Variants in SORBS2 observed in about 807,000 individuals in gnomAD.
SORBS2 encodes the protein sorbin and SH3 domain containing 2, also known as sorbin and SH3 domain-containing protein 2.
Under a neutral mutation model 97.7 loss-of-function variants are expected in SORBS2, and 46 were observed. The observed-to-expected ratio is 0.47, with a 90% CI of 0.37 to 0.60. The LOEUF is 0.60. SORBS2 is among the 20% of genes least tolerant of loss of function. The pLI is 0.00. For missense variants in SORBS2, 1,316 were observed against 1,282.3 expected (o/e 1.03, Z -0.40); for synonymous variants, 476 against 473.4 (o/e 1.01, Z -0.07).
chr4:185,698,554 C>T (rs1461959582), intron 2 of SORBS2, among the ~76,000 whole-genome samples: 1 of 152,154 alleles, frequency 6.6e-6, no homozygotes, highest in Non-Finnish European at 1.5e-5. Context: ...AAATCAAGCT[C>T]TTTCCCTTTA....
chr4:185,746,569 C>T (rs967360102), intron 2 of SORBS2, among the ~76,000 whole-genome samples: 1 of 152,158 alleles, frequency 6.6e-6, no homozygotes, highest in Non-Finnish European at 1.5e-5. Context: ...CCTCCTGCCT[C>T]GGCTTCCCAG....
At chr4:185,687,645 T>C (rs529131855) in intron 2 of SORBS2, among the ~76,000 whole-genome samples, 6 of 152,304 alleles carry the variant, frequency 3.9e-5, no homozygotes, top group Admixed American at 1.3e-4. Flanking sequence ...ACATTAAAGG[T>C]CACTGTAAAA....
chr4:185,952,975 T>A (rs1161736255), intron 1 of SORBS2, among the ~76,000 whole-genome samples: 1 of 152,164 alleles, frequency 6.6e-6, no homozygotes, highest in Non-Finnish European at 1.5e-5. Context: ...CACAGCCCAC[T>A]TGTAGGTCTC....
rs1292277407 is a variant in SORBS2 at position 185,766,735 on chromosome 4, C to T, written c.-198+8492G>A. Among the ~76,000 whole-genome samples the T allele has an allele frequency of 5.9e-5, 9 of 152,240 alleles. No homozygotes were observed. The East Asian group carries it at 1.5e-3, about 26-fold the overall frequency. On this transcript the variant is annotated intron_variant, in intron 2 of 20. Transcript: ENST00000284776. ...TTGCAAAATTGAACTAAAGAAGTAC[C>T]ACTGAGTTGAGGGCATGTCAAGATC...
chr4:185,888,773 G>A (rs1330318214), intron 1 of SORBS2, among the ~76,000 whole-genome samples: 5 of 152,124 alleles, frequency 3.3e-5, no homozygotes, highest in Admixed American at 3.3e-4. Context: ...CCGCATGACT[G>A]GGAGTCACTC....
chr4:185,851,283 A>AC (rs1342036856), intron 1 of SORBS2, among the ~76,000 whole-genome samples: 1 of 152,156 alleles, frequency 6.6e-6, no homozygotes, highest in Non-Finnish European at 1.5e-5. Context: ...GAAGAAATTC[A>AC]CCTTCAACTA....
At chr4:185,589,823 G>A (rs1418075717) in intron 13 of SORBS2, 38 bp from the exon 26 acceptor site, 1 of 1,058,218 alleles carries the variant, frequency 9.4e-7, no homozygotes, top group Non-Finnish European at 1.5e-6. Flanking sequence ...AAAACATCTT[G>A]ACACCTTCAT....
intron 4 of SORBS2, among the ~76,000 whole-genome samples, chr4:185,640,017 G>C (rs777798077): frequency 3.3e-5 from 5 of 152,244 alleles, no homozygotes; most frequent in Admixed American, 2.0e-4. Context: ...TTTTGCTAAT[G>C]ATACACAGTC....
At chr4:185,726,859 G>A (rs935636812) in intron 2 of SORBS2, among the ~76,000 whole-genome samples, 4 of 152,156 alleles carry the variant, frequency 2.6e-5, no homozygotes, top group Non-Finnish European at 5.9e-5. Flanking sequence ...AGATGCATCC[G>A]GGAGGAGGGT....
At chr4:185,815,348 A>G (rs938675343) in intron 1 of SORBS2, among the ~76,000 whole-genome samples, 1 of 151,962 alleles carries the variant, frequency 6.6e-6, no homozygotes, top group Non-Finnish European at 1.5e-5. Flanking sequence ...TATTTTTTAT[A>G]TATATTTAAA....
chr4:185,641,010 G>C (rs1289614721), intron 4 of SORBS2, among the ~76,000 whole-genome samples: 2 of 152,208 alleles, frequency 1.3e-5, no homozygotes, highest in African/African-American at 4.8e-5. Flanking sequence ...ATGAACAGCA[G>C]AGGGCAGCCA....
rs548674273 is a variant in SORBS2 at position 185,697,475 on chromosome 4, C to T, written c.-197-18653G>A. On this transcript the variant is annotated intron_variant, in intron 2 of 20. Coordinates refer to the SORBS2 transcript ENST00000284776. ...TTTATTTAGCTAAGATTTTCCCCCC[C>T]ACACATTGCCATGAACAAGAGAAAA... Among the ~76,000 whole-genome samples the T allele has an allele frequency of 2.6e-5, 4 of 152,298 alleles. No homozygotes were observed. The East Asian group carries it at 5.8e-4, about 22-fold the overall frequency.
At chr4:185,758,330 C>T (rs1300326406) in intron 2 of SORBS2, among the ~76,000 whole-genome samples, 1 of 152,168 alleles carries the variant, frequency 6.6e-6, no homozygotes, top group Admixed American at 6.5e-5. Context: ...TTCTTGATTG[C>T]ACCTCCCCCT....
intron 1 of SORBS2, among the ~76,000 whole-genome samples, chr4:185,815,325 G>A (rs999839444): frequency 5.9e-5 from 9 of 151,966 alleles, no homozygotes; most frequent in African/African-American, 9.7e-5. Flanking sequence ...TTTAAACAAC[G>A]TGGTCATAAA....
chr4:185,638,206 G>A, intron 4 of SORBS2, 44 bp from the exon 15 acceptor site: 1 of 1,171,464 alleles, frequency 8.5e-7, no homozygotes, highest in Non-Finnish European at 1.3e-6. Flanking sequence ...GGCACACTGA[G>A]CAAAGTGAGG....
At chr4:185,715,969 A>C (rs182794445) in intron 2 of SORBS2, among the ~76,000 whole-genome samples, 2 of 152,374 alleles carry the variant, frequency 1.3e-5, no homozygotes, top group African/African-American at 4.8e-5. Context: ...GATTAGAAGT[A>C]ACATCTTTTT....
intron 1 of SORBS2, among the ~76,000 whole-genome samples, chr4:185,793,007 A>C (rs2099088261): frequency 1.3e-5 from 2 of 152,206 alleles, no homozygotes; most frequent in Admixed American, 1.3e-4. Context: ...AGTCAATGAG[A>C]GGTATTTAAA....
At chr4:185,861,340 T>G (rs1486137195) in intron 1 of SORBS2, among the ~76,000 whole-genome samples, 27 of 126,112 alleles carry the variant, frequency 2.1e-4, no homozygotes, top group African/African-American at 7.3e-4. Flanking sequence ...ATCAGTCGGG[T>G]GGGGGGCTTA....
At chr4:185,831,486 C>T (rs777277385) in intron 1 of SORBS2, among the ~76,000 whole-genome samples, 1 of 152,204 alleles carries the variant, frequency 6.6e-6, no homozygotes, top group Non-Finnish European at 1.5e-5. Flanking sequence ...TTCCTCAAAT[C>T]ATTTTTAGGA....
Sources: gnomAD v4.1 joint callset for allele counts (sites outside exome capture counted in the v4.1 genomes callset) on GRCh38, gnomAD v4.1.1 for gene constraint, MANE v1.5 for transcripts, NCBI Gene and HGNC (gene_info 2026-07-23, HGNC 2026-07-21) for gene names.